The following MAB21L3 variants were observed in gnomAD, a reference collection of about 807,000 sequenced individuals.
MAB21L3 encodes the protein mab-21 like 3.
Under a neutral mutation model 37.7 loss-of-function variants are expected in MAB21L3, and 36 were observed. The ratio of observed to expected loss-of-function variants is 0.96; its 90% confidence interval spans 0.73 to 1.26. The LOEUF is 1.26. MAB21L3 is among the 50% of genes most tolerant of loss of function. The pLI is 0.00. For synonymous variants in MAB21L3, 186 were observed against 176.8 expected, an observed-to-expected ratio of 1.05 and a Z score of -0.41; for missense variants, 430 against 447.3, an observed-to-expected ratio of 0.96 and a Z score of 0.35.
chr1:116,120,428 C>CACACAG (rs113760206), intron 3 of MAB21L3, among the ~76,000 whole-genome samples: 2,714 of 149,686 alleles, frequency 0.018, 87 homozygotes, highest in African/African-American at 0.06. Flanking sequence ...CACACACACA[C>CACACAG]ACAAACACAC....
At chr1:116,125,989 C>T (rs916425374) in intron 5 of MAB21L3, among the ~76,000 whole-genome samples, 2 of 152,176 alleles carry the variant, frequency 1.3e-5, no homozygotes, top group Admixed American at 6.5e-5. Flanking sequence ...GTTTATGAGG[C>T]GCTTTTAGTA....
intron 4 of MAB21L3, among the ~76,000 whole-genome samples, chr1:116,121,905 A>G (rs1659760476): frequency 1.3e-5 from 2 of 152,342 alleles, no homozygotes; most frequent in South Asian, 4.1e-4. Context: ...CTGAATCTCC[A>G]TTATTCTTTA....
Position 116,127,552 on chromosome 1 carries a change from G to T in MAB21L3, c.568G>T (p.Ala190Ser), listed in dbSNP as rs146733944. Residue 190 changes from alanine to serine, a missense_variant, in exon 6 of 8, where the codon GCA (alanine) becomes TCA (serine). By Grantham distance (99) the Ala-to-Ser change is moderately conservative. Coordinates refer to ENST00000369500, the MANE Select transcript of MAB21L3 (RefSeq NM_152367.3). Reference sequence around the variant, plus strand: ...TCAGGTGGAACTGGAGCTGGTCCCCGCAGTGGAGATCCCCACCACCTGGTC... The same window carrying T: ...TCAGGTGGAACTGGAGCTGGTCCCCTCAGTGGAGATCCCCACCACCTGGTC... ...AYQVELELVP[A>S]VEIPTTWSKK... The T allele has an allele frequency of 1.9e-6, 3 of 1,614,130 alleles. No homozygotes were observed. The highest frequency in any genetic ancestry group is 2.5e-6 in the Non-Finnish European group (3 of 1,180,018).
intron 4 of MAB21L3, among the ~76,000 whole-genome samples, chr1:116,123,024 G>A (rs1218822967): frequency 6.6e-6 from 1 of 152,164 alleles, no homozygotes; most frequent in Non-Finnish European, 1.5e-5. Context: ...AGCTGATTAG[G>A]GCTTTCCCCA....
Position 116,120,989 on chromosome 1 carries a change from C to A in MAB21L3, c.106C>A (p.His36Asn). The change falls in exon 4 of 8, where the codon CAT becomes AAT. Residue 36 changes from histidine to asparagine, a missense_variant. Coordinates refer to ENST00000369500, the MANE Select transcript of MAB21L3 (RefSeq NM_152367.3). The stretch of plus-strand genomic sequence containing the variant: ...TGTGGAGGAGGTGCAGAAAGTCGTT[C>A]ATCATTTGACCACAAACATCAGCAA... ...QAVEEVQKVVHHLTTNISNQD... is the reference protein window; with the variant it reads ...QAVEEVQKVVNHLTTNISNQD... 6.2e-7 allele frequency: 1 copy of A among 1,614,154 alleles called. No homozygotes were observed. The highest frequency in any genetic ancestry group is 1.1e-5 in the South Asian group (1 of 91,082).
intron 3 of MAB21L3, among the ~76,000 whole-genome samples, chr1:116,120,431 A>AC (rs59347820): frequency 7.5e-6 from 1 of 133,096 alleles, no homozygotes; most frequent in African/African-American, 3.9e-5. Flanking sequence ...ACACACACAC[A>AC]AACACACACA....
At chr1:116,119,515 CA>C (rs1659683764) in intron 3 of MAB21L3, among the ~76,000 whole-genome samples, 1 of 151,934 alleles carries the variant, frequency 6.6e-6, no homozygotes, top group Non-Finnish European at 1.5e-5. Flanking sequence ...ATGGGTGTCT[CA>C]AAATGACTCT....
Position 116,128,323 on chromosome 1 carries a change from C to T in MAB21L3, c.839C>T (p.Thr280Met), listed in dbSNP as rs141595674. The change falls in exon 7 of 8, where the codon ACG (threonine) becomes ATG (methionine). Residue 280 changes from threonine to methionine, a missense_variant. Thr to Met is a moderately conservative substitution (Grantham distance 81, BLOSUM62 -1). Transcript: ENST00000369500. The stretch of plus-strand genomic sequence containing the variant: ...TGCCCAGGGAACAGGCCGGTTATCA[C>T]GTCCCACCATCTGCAGGTGAGTGTG... ...IWCPGNRPVI[T>M]SHHLQTVLFW... is the part of the protein sequence containing the mutation. 1.4e-5 allele frequency: 23 copies of T among 1,612,058 alleles called. No individual in the cohort carries two copies. Among genetic ancestry groups the T allele is most frequent in the South Asian group, 7.7e-5 (7 of 90,808 alleles).
rs761309005 is a variant in MAB21L3, at chr1:116,124,319, A to C, written c.443A>C (p.Lys148Thr). 6.2e-7 allele frequency: 1 copy of C among 1,613,982 alleles called. No individual in the cohort carries two copies. ...VPAKVLLVFR[K>T]LVENAVRTCH... ...GCCAAGGTCCTCCTAGTGTTCCGGA[A>C]GCTGGTGGAAAATGCAGTTAGAACC... Residue 148 changes from lysine to threonine, a missense_variant, in exon 5 of 8, where the codon AAG (lysine) becomes ACG (threonine). Physicochemically the swap from Lys to Thr is moderately conservative, Grantham distance 78. Transcript: ENST00000369500.
chr1:116,124,664 T>C (rs1474157828), intron 5 of MAB21L3, among the ~76,000 whole-genome samples: 3 of 152,128 alleles, frequency 2.0e-5, no homozygotes, highest in African/African-American at 7.2e-5. Flanking sequence ...TATTGTTTTT[T>C]AAAAAAGCAA....
At chr1:116,113,114 C>T (rs1329521273) in intron 3 of MAB21L3, among the ~76,000 whole-genome samples, 1 of 152,180 alleles carries the variant, frequency 6.6e-6, no homozygotes, top group Admixed American at 6.5e-5. Flanking sequence ...TTTTAGTACA[C>T]ATCAGTTAAG....
rs944747128 is a variant in MAB21L3 at position 116,121,002 on chromosome 1, C to T, written c.119C>T (p.Thr40Ile). ...CAGAAAGTCGTTCATCATTTGACCA[C>T]AAACATCAGCAACCAAGACATTAGA... ...EVQKVVHHLT[T>I]NISNQDIRFQ... The change falls in exon 4 of 8, where the codon ACA (threonine) becomes ATA (isoleucine). Residue 40 changes from threonine (T) to isoleucine (I), a missense_variant. Thr to Ile is a moderately conservative substitution (Grantham distance 89, BLOSUM62 -1). Transcript: ENST00000369500. 5 of 1,614,166 alleles carry T rather than the reference C, an allele frequency of 3.1e-6. No homozygotes were observed. The highest frequency in any genetic ancestry group is 4.2e-6 in the Non-Finnish European group (5 of 1,180,024).
Position 116,121,025 on chromosome 1 carries a change from A to G in MAB21L3, c.142A>G (p.Arg48Gly), listed in dbSNP as rs954172225. ...CACAAACATCAGCAACCAAGACATT[A>G]GATTTCAAGCTGTGCCTTACTCTGA... is the stretch of plus-strand genomic sequence containing the variant. ...LTTNISNQDI[R>G]FQAVPYSDTY... is the part of the protein sequence containing the mutation. The change falls in exon 4 of 8, where the codon AGA becomes GGA. Residue 48 changes from arginine (R) to glycine (G), a missense_variant. Transcript: ENST00000369500. The G allele has an allele frequency of 2.5e-6, 4 of 1,614,066 alleles. No individual in the cohort carries two copies. Among genetic ancestry groups the G allele is most frequent in the Admixed American group, 3.3e-5 (2 of 60,010 alleles).
rs1342866379 is a variant in MAB21L3, at chr1:116,121,185, T to C, written c.189+113T>C. 1.3e-5 allele frequency: 14 copies of C among 1,073,650 alleles called. No homozygotes were observed. The South Asian group carries it at 1.6e-4, about 12-fold the overall frequency. The allele number at this position is 1,073,650 out of a possible 1,614,324, so 66.5% of individuals were successfully genotyped here. On this transcript the variant is annotated intron_variant, in intron 4 of 7. Coordinates refer to ENST00000369500, the MANE Select transcript of MAB21L3 (RefSeq NM_152367.3). Reference sequence around the variant, plus strand: ...CACTCAGAATACTCATAACAATTCTTGTTTTCATAGGTATTCTTAGTTTTT... The same window carrying C: ...CACTCAGAATACTCATAACAATTCTCGTTTTCATAGGTATTCTTAGTTTTT...
In MAB21L3 at chr1:116,112,598, A is replaced by G; in HGVS notation, c.-18A>G. 3 of 1,611,700 alleles carry G rather than the reference A, an allele frequency of 1.9e-6. No homozygotes were observed. Among genetic ancestry groups the G allele is most frequent in the South Asian group, 1.1e-5 (1 of 91,012 alleles). ...AAACCAGGAAGTTGCTGTTCTACTG[A>G]GGACTGACCAAGAAGCCATGAAATA... On this transcript the variant is annotated 5_prime_UTR_variant, in exon 3 of 8. Transcript: ENST00000369500.
In MAB21L3 at chr1:116,136,361, A is replaced by G. The variant is rs1467700854; in HGVS notation, c.*2996A>G. On this transcript the variant is annotated 3_prime_UTR_variant, in exon 8 of 8. Transcript: ENST00000369500. ...AGACAGAGAGCCAAATCATGAGTGAACTCCCATTCACAATTGCTTCAAAGA... is the reference window on the plus strand; with the variant it reads ...AGACAGAGAGCCAAATCATGAGTGAGCTCCCATTCACAATTGCTTCAAAGA... Among the ~76,000 whole-genome samples, 4 of 152,112 alleles carry G rather than the reference A, an allele frequency of 2.6e-5. No homozygotes were observed. The East Asian group carries it at 7.7e-4, about 29-fold the overall frequency.
At chr1:116,120,457 A>G (rs1659715061) in intron 3 of MAB21L3, among the ~76,000 whole-genome samples, 2 of 151,632 alleles carry the variant, frequency 1.3e-5, no homozygotes, top group African/African-American at 2.4e-5. Context: ...ACATATATAT[A>G]TACAGGAATA....
At chr1:116,114,211 A>T (rs1189678191) in intron 3 of MAB21L3, among the ~76,000 whole-genome samples, 1 of 152,136 alleles carries the variant, frequency 6.6e-6, no homozygotes, top group African/African-American at 2.4e-5. Flanking sequence ...ATGTCATATC[A>T]TTTCATTCTT....
rs1660231181 is a variant in MAB21L3 at position 116,138,113 on chromosome 1, T to G, written c.*4748T>G. 6.6e-6 allele frequency among the ~76,000 whole-genome samples: 1 copy of G among 151,344 alleles called. No individual in the cohort carries two copies. The highest frequency in any genetic ancestry group is 3.2e-3 in the Middle Eastern group (1 of 316). On this transcript the variant is annotated 3_prime_UTR_variant, in exon 8 of 8. Transcript: ENST00000369500. ...CATTGTGCACATGTACCCTAAAACT[T>G]AAAGTATGATTAAAAAAAAAAAGTA...
Sources: gnomAD v4.1 joint callset for allele counts (sites outside exome capture counted in the v4.1 genomes callset) on GRCh38, gnomAD v4.1.1 for gene constraint, MANE v1.5 for transcripts, NCBI Gene and HGNC (gene_info 2026-07-23, HGNC 2026-07-21) for gene names.